Variants in NR3C2 observed in about 807,000 individuals in gnomAD.
NR3C2 encodes mineralocorticoid receptor.
NR3C2 carries 15 observed loss-of-function variants against 86.4 expected under a neutral mutation model. That is an observed-to-expected ratio of 0.17 (90% confidence interval 0.12 to 0.27). NR3C2 has a LOEUF of 0.27. Ranked by LOEUF, NR3C2 falls within the 10% of genes least tolerant of loss-of-function variation. The pLI is 1.00. For synonymous variants in NR3C2, 458 were observed against 450.5 expected (o/e 1.02, Z -0.21); for missense variants, 960 against 1,195.6 (o/e 0.80, Z 2.91).
intron 3 of NR3C2, among the ~76,000 whole-genome samples, chr4:148,253,608 G>A (rs761698765): frequency 6.6e-6 from 1 of 152,032 alleles, no homozygotes; most frequent in Non-Finnish European, 1.5e-5. Flanking sequence ...ATCTTGCCTT[G>A]TTTCCCAAGC....
At position 148,152,540 on chromosome 4, in the gene NR3C2, G is replaced by C. The variant is rs1282352049; in HGVS notation, c.2439C>G (p.Ala813=). The C allele has an allele frequency of 6.2e-7, 1 of 1,613,962 alleles. No individual in the cohort carries two copies. The highest frequency in any genetic ancestry group is 1.3e-5 in the African/African-American group (1 of 74,916). The change falls in exon 6 of 9, where the codon GCC becomes GCG. Residue 813 remains alanine (A), a synonymous_variant. Transcript: ENST00000358102. ...TATGTTTGTACGATCTCCAGCTCAA[G>C]GCAAATGATGATAGACACATCCAAG... ...QYSWMCLSSF[A]LSWRSYKHTN...
At chr4:148,275,322 A>C (rs946238355) in intron 2 of NR3C2, among the ~76,000 whole-genome samples, 23 of 152,220 alleles carry the variant, frequency 1.5e-4, no homozygotes, top group African/African-American at 5.5e-4. Flanking sequence ...TGAGGTCTAA[A>C]ATTAAGTCTA....
chr4:148,424,001 C>T (rs1365334355), intron 2 of NR3C2, among the ~76,000 whole-genome samples: 1 of 152,226 alleles, frequency 6.6e-6, no homozygotes, highest in Admixed American at 6.5e-5. Context: ...GCGTGAGCCA[C>T]CACGCCCAGC....
chr4:148,375,763 C>T (rs72729974), intron 2 of NR3C2, among the ~76,000 whole-genome samples: 2,136 of 152,138 alleles, frequency 0.014, 28 homozygotes, highest in Non-Finnish European at 0.025. Flanking sequence ...AGCAGAACTC[C>T]GCACCCTTCC....
At chr4:148,302,312 C>A (rs1742378106) in intron 2 of NR3C2, among the ~76,000 whole-genome samples, 1 of 152,150 alleles carries the variant, frequency 6.6e-6, no homozygotes, top group African/African-American at 2.4e-5. Context: ...ATCTTTTTTA[C>A]TTTTGCTTGG....
At chr4:148,275,708 G>C (rs1020805118) in intron 2 of NR3C2, among the ~76,000 whole-genome samples, 5 of 152,124 alleles carry the variant, frequency 3.3e-5, no homozygotes, top group African/African-American at 1.2e-4. Context: ...GGGATTACAG[G>C]CGTGAGCCAC....
At chr4:148,330,503 T>C (rs561754221) in intron 2 of NR3C2, among the ~76,000 whole-genome samples, 1 of 148,330 alleles carries the variant, frequency 6.7e-6, no homozygotes, top group East Asian at 2.0e-4. Context: ...GCAACCCAAT[T>C]TAGACATTAA....
chr4:148,081,527 A>C, intron 8 of NR3C2, 28 bp from the exon 9 acceptor site: 2 of 1,613,786 alleles, frequency 1.2e-6, no homozygotes, highest in Non-Finnish European at 1.7e-6. Flanking sequence ...GGGGCATGAC[A>C]CGGGGGCCTC....
chr4:148,107,499 T>C (rs951746077), intron 8 of NR3C2, among the ~76,000 whole-genome samples: 4 of 152,240 alleles, frequency 2.6e-5, no homozygotes, highest in Non-Finnish European at 5.9e-5. Flanking sequence ...TTACTGGGTA[T>C]ATACCCAAAG....
intron 3 of NR3C2, among the ~76,000 whole-genome samples, chr4:148,212,505 A>G (rs1182168503): frequency 1.3e-5 from 2 of 152,176 alleles, no homozygotes; most frequent in African/African-American, 4.8e-5. Flanking sequence ...TTGTGCTGTG[A>G]CCCTGGAATT....
At chr4:148,197,140 TA>T (rs945598182) in intron 3 of NR3C2, among the ~76,000 whole-genome samples, 3 of 152,220 alleles carry the variant, frequency 2.0e-5, no homozygotes, top group African/African-American at 7.2e-5. Context: ...GAGGTTTTTC[TA>T]AATACTAATT....
At chr4:148,322,392 G>A (rs62333580) in intron 2 of NR3C2, among the ~76,000 whole-genome samples, 12,726 of 119,696 alleles carry the variant, frequency 0.11, 893 homozygotes, top group Middle Eastern at 0.33. Context: ...TCTTTGTGGC[G>A]TTCTCTGTAT....
At chr4:148,379,935 A>T (rs1196963418) in intron 2 of NR3C2, among the ~76,000 whole-genome samples, 6 of 152,178 alleles carry the variant, frequency 3.9e-5, no homozygotes, top group Non-Finnish European at 5.9e-5. Context: ...GGATTATATT[A>T]AAAAGTTCAT....
At chr4:148,133,706 A>G (rs1372823854) in intron 6 of NR3C2, among the ~76,000 whole-genome samples, 5 of 152,204 alleles carry the variant, frequency 3.3e-5, no homozygotes, top group Admixed American at 3.3e-4. Flanking sequence ...CTGGCGCAGG[A>G]TGGTGTAGAG....
At chr4:148,116,271 A>C (rs1340894935) in intron 7 of NR3C2, among the ~76,000 whole-genome samples, 1 of 152,238 alleles carries the variant, frequency 6.6e-6, no homozygotes, top group African/African-American at 2.4e-5. Flanking sequence ...ACAACTTGTC[A>C]AACAGTATTA....
At chr4:148,415,564 A>G (rs1748949844) in intron 2 of NR3C2, among the ~76,000 whole-genome samples, 1 of 152,316 alleles carries the variant, frequency 6.6e-6, no homozygotes, top group East Asian at 1.9e-4. Flanking sequence ...TGCAAGAAAA[A>G]AAGCAGCATT....
intron 2 of NR3C2, among the ~76,000 whole-genome samples, chr4:148,326,372 G>T (rs556347626): frequency 3.3e-5 from 5 of 152,182 alleles, no homozygotes; most frequent in African/African-American, 1.2e-4. Context: ...CTGCACTCCA[G>T]CCTGGACGAC....
At chr4:148,324,216 C>T (rs898776284) in intron 2 of NR3C2, among the ~76,000 whole-genome samples, 1 of 152,130 alleles carries the variant, frequency 6.6e-6, no homozygotes, top group Non-Finnish European at 1.5e-5. Flanking sequence ...TAAGGTCGCA[C>T]GGTATTTGTC....
At chr4:148,439,410 C>G (rs1342678914) in intron 1 of NR3C2, among the ~76,000 whole-genome samples, 4 of 152,146 alleles carry the variant, frequency 2.6e-5, no homozygotes, top group Non-Finnish European at 4.4e-5. Context: ...CACATTCGCT[C>G]TCTTGGCAAA....
Sources: allele counts gnomAD v4.1 joint callset (sites outside exome capture counted in the v4.1 genomes callset), GRCh38; gene constraint gnomAD v4.1.1; transcripts MANE v1.5; gene names NCBI Gene and HGNC (gene_info 2026-07-23, HGNC 2026-07-21).